Variants in USP42 observed in about 807,000 individuals in gnomAD.
USP42 encodes the protein ubiquitin specific peptidase 42.
A neutral mutation model predicts 113.0 loss-of-function variants in USP42; 23 were observed. The observed-to-expected ratio is 0.20, with a 90% CI of 0.15 to 0.29. The LOEUF (loss-of-function observed/expected upper bound fraction) is 0.29. Ranked by LOEUF, USP42 falls within the 10% of genes least tolerant of loss-of-function variation. USP42 has a pLI of 1.00. For missense variants in USP42, 2,174 were observed against 1,779.8 expected, an observed-to-expected ratio of 1.22 and a Z score of -3.99; for synonymous variants, 933 against 699.0, an observed-to-expected ratio of 1.33 and a Z score of -5.28.
At chr7:6,091,680 T>TACACACAC in the USP42 span, among the ~76,000 whole-genome samples, 7,442 of 136,030 alleles carry the variant, frequency 0.055, 340 homozygotes, top group Middle Eastern at 0.093. Context: ...TATGTTAGCA[T>TACACACAC]ACACACACAC....
At chr7:6,111,995 G>A (rs959586872) in intron 2 of USP42, 1 of 152,274 alleles carries the variant, frequency 6.6e-6, no homozygotes, top group Non-Finnish European at 1.5e-5. Context: ...TTGTTAACCA[G>A]TAGTTATTCT....
Position 6,157,307 on chromosome 7 carries a change from A to T in USP42, c.3943+252A>T. 8.5e-7 allele frequency: 1 copy of T among 1,175,038 alleles called. No homozygotes were observed. The highest frequency in any genetic ancestry group is 1.0e-6 in the Non-Finnish European group (1 of 952,456). The allele number at this position is 1,175,038 out of a possible 1,614,324, so 72.8% of individuals were successfully genotyped here. ...TGAGGGCAGCACTACCTGTGTCACC[A>T]AAGCCCTGGAACGTACAGCTCTAGG... On this transcript the variant is annotated intron_variant, in intron 16 of 17. Coordinates refer to ENST00000306177, the MANE Select transcript of USP42 (RefSeq NM_032172.3). This position sits in a 1 kb window ranked among gnomAD's most constrained non-coding sequence, Gnocchi z 4.1.
chr7:6,100,004 C>CTATTTT (rs141280623), upstream of USP42, among the ~76,000 whole-genome samples: 805 of 144,318 alleles, frequency 5.6e-3, 51 homozygotes, highest in South Asian at 0.026. Flanking sequence ...TTTCACAAGT[C>CTATTTT]TATTATTATT....
At chr7:6,086,556 G>T in the USP42 span, among the ~76,000 whole-genome samples, 1 of 150,740 alleles carries the variant, frequency 6.6e-6, no homozygotes, top group South Asian at 2.1e-4. Flanking sequence ...CACCATGTTG[G>T]CCATGCTGGT....
intron 2 of USP42, among the ~76,000 whole-genome samples, chr7:6,114,640 ATATG>A (rs1162726987): frequency 4.8e-4 from 56 of 116,012 alleles, no homozygotes; most frequent in African/African-American, 1.9e-3. Context: ...GTGTGTGTAT[ATATG>A]TATGTGTGTG....
At chr7:6,089,039 T>TTATC in the USP42 span, 3 of 150,102 alleles carry the variant, frequency 2.0e-5, no homozygotes, top group African/African-American at 7.5e-5. Context: ...ATTTATTTAT[T>TTATC]TATTTATTTA....
At chr7:6,102,645 T>C (rs1048166664), upstream of USP42, among the ~76,000 whole-genome samples, 1 of 150,504 alleles carries the variant, frequency 6.6e-6, no homozygotes, top group African/African-American at 2.5e-5. Context: ...GGGGACACAC[T>C]GTGGGCTGCG....
intron 3 of USP42, among the ~76,000 whole-genome samples, chr7:6,129,087 C>G (rs143652007): frequency 1.3e-5 from 2 of 152,176 alleles, no homozygotes; most frequent in Admixed American, 6.5e-5. Context: ...GCTGGGATTA[C>G]AGGCGTGTGC....
At position 6,149,845 on chromosome 7, in the gene USP42, C is replaced by G. The variant is rs372821842; in HGVS notation, c.1649C>G (p.Thr550Ser). The G allele has an allele frequency of 7.6e-5, 122 of 1,614,042 alleles. 2 individuals are homozygous for G. The African/African-American group carries it at 1.5e-3, about 20-fold the overall frequency. Residue 550 changes from threonine to serine, a missense_variant, in exon 13 of 18, where the codon ACC becomes AGC. Physicochemically the swap from Thr to Ser is moderately conservative, Grantham distance 58. Coordinates refer to ENST00000306177, the MANE Select transcript of USP42 (RefSeq NM_032172.3). The part of the protein sequence containing the change: ...NLHSNSLENP[T>S]KPVPSSTITN... ...CATAGTAATTCTTTGGAGAACCCTA[C>G]CAAGCCCGTTCCCTCTTCTACCATT...
intron 14 of USP42, chr7:6,153,036 T>C (rs1328006144): frequency 3.1e-5 from 26 of 844,808 alleles, no homozygotes; most frequent in Non-Finnish European, 3.4e-5. Context: ...TTTGGGAGGC[T>C]GAGGCGGGCG....
intron 1 of USP42, among the ~76,000 whole-genome samples, chr7:6,108,430 G>A (rs1302937559): frequency 6.6e-6 from 1 of 152,026 alleles, no homozygotes; most frequent in African/African-American, 2.4e-5. Context: ...AAGTACATGG[G>A]TATTTTATTA....
At chr7:6,093,882 T>C in the USP42 span, among the ~76,000 whole-genome samples, 1 of 151,066 alleles carries the variant, frequency 6.6e-6, no homozygotes, top group Non-Finnish European at 1.5e-5. Context: ...AAAAGGAGGA[T>C]CAACTACAAG....
chr7:6,089,067 TG>T, the USP42 span, among the ~76,000 whole-genome samples: 1 of 150,426 alleles, frequency 6.6e-6, no homozygotes, highest in African/African-American at 2.5e-5. Context: ...CTTTTTGAAA[TG>T]GAGTTTCACT....
intron 3 of USP42, among the ~76,000 whole-genome samples, chr7:6,117,614 C>G (rs1230193746): frequency 6.6e-6 from 1 of 152,170 alleles, no homozygotes; most frequent in Non-Finnish European, 1.5e-5. Context: ...TTTTAAGAGA[C>G]TTCCAGACTT....
In USP42 at chr7:6,159,478, A is replaced by G. The variant is rs772024867; in HGVS notation, c.*21A>G. Reference sequence around the variant, plus strand: ...ATTGAAAACTCAGCCTCAAAACAAAAAATTCACTAGTTATGGTAAGCTGTT... The same window carrying G: ...ATTGAAAACTCAGCCTCAAAACAAAGAATTCACTAGTTATGGTAAGCTGTT... On this transcript the variant is annotated 3_prime_UTR_variant, in exon 17 of 18. Transcript: ENST00000306177. The surrounding 1 kb of genome is among the most constrained non-coding windows in gnomAD (Gnocchi z 4.1). The G allele has an allele frequency of 1.1e-5, 17 of 1,613,842 alleles. No homozygotes were observed. Among genetic ancestry groups the G allele is most frequent in the African/African-American group, 4.0e-5 (3 of 74,932 alleles).
In USP42 at chr7:6,149,841, C is replaced by G. The variant is rs201918410; in HGVS notation, c.1645C>G (p.Pro549Ala). ...PNLHSNSLEN[P>A]TKPVPSSTIT... ...CCTTCATAGTAATTCTTTGGAGAAC[C>G]CTACCAAGCCCGTTCCCTCTTCTAC... Residue 549 changes from proline (P) to alanine (A), a missense_variant, in exon 13 of 18, where the codon CCT becomes GCT. By Grantham distance (27) the Pro-to-Ala change is conservative. Transcript: ENST00000306177. 155 of 1,614,032 alleles carry G rather than the reference C, an allele frequency of 9.6e-5. 1 individual carries two copies. Among genetic ancestry groups the G allele is most frequent in the South Asian group, 7.0e-4 (64 of 91,084 alleles).
At position 6,115,566 on chromosome 7, in the gene USP42, C is replaced by T. The variant is rs920742647; in HGVS notation, c.442+43C>T. 4 of 1,592,470 alleles carry T rather than the reference C, an allele frequency of 2.5e-6. No individual in the cohort carries two copies. In the Admixed American group the frequency reaches 6.8e-5, roughly 27 times the overall value. ...TGTTTGTAGTATTGTAGTGCGCTAA[C>T]CTACTTTCATTTTTTCCTCTGAAAT... On this transcript the variant is annotated intron_variant, in intron 3 of 17. Transcript: ENST00000306177.
chr7:6,146,954 G>C (rs1781750074), intron 11 of USP42, among the ~76,000 whole-genome samples: 2 of 152,212 alleles, frequency 1.3e-5, no homozygotes, highest in Non-Finnish European at 2.9e-5. Flanking sequence ...TGCCTTCCAG[G>C]CCAAGGCCAG....
At chr7:6,123,253 A>C (rs1471621937) in intron 3 of USP42, among the ~76,000 whole-genome samples, 1 of 152,178 alleles carries the variant, frequency 6.6e-6, no homozygotes, top group Non-Finnish European at 1.5e-5. Context: ...GCTGGGCATG[A>C]TGGCTCATGC....
Sources: gnomAD v4.1 joint callset for allele counts (sites outside exome capture counted in the v4.1 genomes callset) on GRCh38, gnomAD v4.1.1 for gene constraint, Gnocchi (gnomAD v3.1) non-coding constraint, MANE v1.5 for transcripts, NCBI Gene and HGNC (gene_info 2026-07-23, HGNC 2026-07-21) for gene names.